Variants in NAALADL2 observed in about 807,000 individuals in gnomAD.
The protein encoded by NAALADL2 is N-acetylated alpha-linked acidic dipeptidase like 2, also known as inactive N-acetylated-alpha-linked acidic dipeptidase-like protein 2.
Under a neutral mutation model 87.2 loss-of-function variants are expected in NAALADL2, and 76 were observed. The ratio of observed to expected loss-of-function variants is 0.87; its 90% CI spans 0.72 to 1.05. NAALADL2 has a LOEUF of 1.05. Among genes scored for constraint, NAALADL2 ranks in the 50% least tolerant of loss-of-function variants. The pLI, the probability that NAALADL2 is intolerant of heterozygous loss-of-function variation, is 0.00. For synonymous variants in NAALADL2, 354 were observed against 331.0 expected (o/e 1.07, Z -0.75); for missense variants, 1,089 against 945.8 (o/e 1.15, Z -1.99).
chr3:175,410,035 T>G (rs966828864), intron 5 of NAALADL2, among the ~76,000 whole-genome samples: 13 of 152,086 alleles, frequency 8.5e-5, no homozygotes, highest in African/African-American at 3.1e-4. Context: ...GTATAAGGAT[T>G]AAGCTTTGGA....
chr3:174,474,640 T>C (rs1287026070), intron 1 of NAALADL2, among the ~76,000 whole-genome samples: 1 of 152,164 alleles, frequency 6.6e-6, no homozygotes, highest in Non-Finnish European at 1.5e-5. Context: ...ACTTAACTTT[T>C]CTCATTACTT....
intron 2 of NAALADL2, among the ~76,000 whole-genome samples, chr3:174,621,766 G>C (rs967581463): frequency 6.6e-6 from 1 of 152,228 alleles, no homozygotes; most frequent in African/African-American, 2.4e-5. Context: ...CTATACTTAC[G>C]CAGGGCCTTG....
At chr3:175,239,092 G>A (rs1293004489) in intron 3 of NAALADL2, among the ~76,000 whole-genome samples, 1 of 152,106 alleles carries the variant, frequency 6.6e-6, no homozygotes, top group Non-Finnish European at 1.5e-5. Context: ...AACCTACTTA[G>A]TGCCAGCATG....
chr3:175,105,642 G>GAC lies in NAALADL2; in HGVS notation c.545+8391_545+8392dup, dbSNP rs57274941. Among the ~76,000 whole-genome samples, 852 of 144,606 alleles carry GAC rather than the reference G, an allele frequency of 5.9e-3. 1 individual carries two copies. The highest frequency in any genetic ancestry group is 8.9e-3 in the African/African-American group (353 of 39,678). 94.9% of individuals were successfully genotyped at this position (144,606 alleles called of 152,430 possible). On this transcript the variant is annotated intron_variant, in intron 2 of 13. Transcript: ENST00000454872. ...AGCAAGATATTTGAGAATACACACA[G>GAC]ACACACACACACACACACACACACA... is the stretch of plus-strand genomic sequence containing the variant.
At chr3:175,604,461 G>A (rs980063642) in intron 10 of NAALADL2, among the ~76,000 whole-genome samples, 15 of 150,118 alleles carry the variant, frequency 1.0e-4, no homozygotes, top group Admixed American at 3.3e-4. Flanking sequence ...CCACCACCAC[G>A]CCTGGCTAAT....
chr3:174,808,195 G>T (rs1456584313), intron 3 of NAALADL2, among the ~76,000 whole-genome samples: 1 of 152,046 alleles, frequency 6.6e-6, no homozygotes, highest in African/African-American at 2.4e-5. Context: ...AATTCACTAT[G>T]AAGAGTTGAT....
intron 11 of NAALADL2, among the ~76,000 whole-genome samples, chr3:175,732,393 A>C (rs944193559): frequency 1.3e-5 from 2 of 152,196 alleles, no homozygotes; most frequent in Non-Finnish European, 2.9e-5. Context: ...AATTATTATT[A>C]GGCATAATAA....
intron 1 of NAALADL2, among the ~76,000 whole-genome samples, chr3:174,950,540 C>T (rs1028791659): frequency 6.6e-6 from 1 of 152,106 alleles, no homozygotes; most frequent in Middle Eastern, 3.4e-3. Context: ...AGCTAGGATC[C>T]TTTTTAAATC....
intron 5 of NAALADL2, among the ~76,000 whole-genome samples, chr3:175,395,950 G>A (rs1361787007): frequency 6.6e-6 from 1 of 152,030 alleles, no homozygotes; most frequent in Non-Finnish European, 1.5e-5. Flanking sequence ...ATATTACCAA[G>A]CATTGGAACA....
In NAALADL2 at chr3:174,752,566, T is replaced by A. The variant is rs183043774; in HGVS notation, c.-9+14820T>A. 5.8e-3 allele frequency among the ~76,000 whole-genome samples: 880 copies of A among 151,760 alleles called. 6 individuals carry two copies. Among genetic ancestry groups the A allele is most frequent in the Non-Finnish European group, 9.0e-3 (612 of 67,860 alleles). ...ATTTTTGTGTATTTCTATTTTATTT[T>A]AAAAAAAATAGGCCAGTGATTTTTT... On this transcript the variant is annotated intron_variant, in intron 3 of 3. Coordinates refer to the NAALADL2 transcript ENST00000434257.
intron 2 of NAALADL2, among the ~76,000 whole-genome samples, chr3:175,196,838 C>T (rs1242531486): frequency 1.3e-5 from 2 of 151,908 alleles, no homozygotes; most frequent in African/African-American, 4.8e-5. Flanking sequence ...CAGCTGCAGC[C>T]CTCGATCTAG....
intron 2 of NAALADL2, among the ~76,000 whole-genome samples, chr3:175,196,239 T>C (rs1738978601): frequency 6.6e-6 from 1 of 151,950 alleles, no homozygotes; most frequent in African/African-American, 2.4e-5. Context: ...GAAGTCCTGA[T>C]CATAAACCTG....
intron 1 of NAALADL2, among the ~76,000 whole-genome samples, chr3:174,451,654 GAC>G (rs1715488189): frequency 6.6e-6 from 1 of 152,014 alleles, no homozygotes; most frequent in African/African-American, 2.4e-5. Context: ...ATTATTTAAA[GAC>G]ATTGCTCTTA....
chr3:175,436,356 G>T (rs1177533611), intron 5 of NAALADL2, among the ~76,000 whole-genome samples: 1 of 149,398 alleles, frequency 6.7e-6, no homozygotes, highest in Non-Finnish European at 1.5e-5. Flanking sequence ...GGTCTTTTGG[G>T]TATATACCCA....
At chr3:175,082,997 C>T (rs1170606404) in intron 1 of NAALADL2, among the ~76,000 whole-genome samples, 2 of 152,170 alleles carry the variant, frequency 1.3e-5, no homozygotes, top group Non-Finnish European at 2.9e-5. Flanking sequence ...TTCACATTAT[C>T]CCCCTTGAGA....
chr3:175,242,232 G>GA (rs141291814), intron 3 of NAALADL2: 126 of 152,236 alleles, frequency 8.3e-4, no homozygotes, highest in African/African-American at 3.0e-3. Flanking sequence ...CCATTTGACA[G>GA]AAAATGCCAG....
At chr3:175,464,918 G>T (rs763678275) in intron 7 of NAALADL2, among the ~76,000 whole-genome samples, 1 of 152,006 alleles carries the variant, frequency 6.6e-6, no homozygotes, top group South Asian at 2.1e-4. Context: ...TGATACATTC[G>T]CAAGTTGTTA....
intron 1 of NAALADL2, among the ~76,000 whole-genome samples, chr3:175,057,771 A>C (rs1177949006): frequency 6.6e-6 from 1 of 152,320 alleles, no homozygotes; most frequent in African/African-American, 2.4e-5. Context: ...GTTAAAATCC[A>C]AGTTATCAAT....
intron 9 of NAALADL2, among the ~76,000 whole-genome samples, chr3:175,538,876 T>C (rs1207539563): frequency 2.0e-5 from 3 of 152,172 alleles, no homozygotes; most frequent in African/African-American, 7.2e-5. Context: ...CAATAAACCA[T>C]GTTTCACAGC....
Sources: gnomAD v4.1 joint callset for allele counts (sites outside exome capture counted in the v4.1 genomes callset) on GRCh38, gnomAD v4.1.1 for gene constraint, MANE v1.5 for transcripts, NCBI Gene and HGNC (gene_info 2026-07-23, HGNC 2026-07-21) for gene names.